The following SCRG1 variants were observed in gnomAD, a reference collection of about 807,000 sequenced individuals.
The protein encoded by SCRG1 is stimulator of chondrogenesis 1.
A neutral mutation model predicts 7.7 loss-of-function variants in SCRG1; 3 were observed. The ratio of observed to expected loss-of-function variants is 0.39; its 90% confidence interval spans 0.18 to 1.01. The LOEUF (loss-of-function observed/expected upper bound fraction) is 1.01, where lower values mean the gene tolerates loss of function less well. SCRG1 is among the 50% of genes least tolerant of loss of function. The pLI is 0.36. For missense variants in SCRG1, 110 were observed against 117.2 expected (o/e 0.94, Z 0.28); for synonymous variants, 46 against 41.2 (o/e 1.12, Z -0.44).
At chr4:173,477,710 CCTTCCTT>C in the SCRG1 span, among the ~76,000 whole-genome samples, 3 of 3,032 alleles carry the variant, frequency 9.9e-4, no homozygotes, top group Middle Eastern at 0.17. Context: ...TTTTTCCCTT[CCTTCCTT>C]CCTTCCTTCC....
chr4:173,448,502 C>T, the SCRG1 span, among the ~76,000 whole-genome samples: 4 of 152,292 alleles, frequency 2.6e-5, no homozygotes, highest in South Asian at 2.1e-4. Context: ...GAAAGAGAAC[C>T]GACAAGCCTG....
chr4:173,412,637 C>T, the SCRG1 span, among the ~76,000 whole-genome samples: 1 of 152,212 alleles, frequency 6.6e-6, no homozygotes, highest in East Asian at 1.9e-4. Flanking sequence ...AATCCTGAGT[C>T]TGTGGATGAT....
the SCRG1 span, among the ~76,000 whole-genome samples, chr4:173,427,137 A>G: frequency 1.1e-4 from 17 of 152,130 alleles, no homozygotes; most frequent in Non-Finnish European, 2.2e-4. Flanking sequence ...GAGGAAAATG[A>G]GACTTAGGAG....
the SCRG1 span, among the ~76,000 whole-genome samples, chr4:173,494,134 C>T: frequency 7.9e-5 from 12 of 152,214 alleles, no homozygotes; most frequent in Non-Finnish European, 1.5e-4. Context: ...ACAGGCCACC[C>T]ACACGACACA....
chr4:173,466,129 C>G, the SCRG1 span, among the ~76,000 whole-genome samples: 1 of 152,250 alleles, frequency 6.6e-6, no homozygotes, highest in Non-Finnish European at 1.5e-5. Context: ...GAAGAAAAAT[C>G]CTGTGCAACT....
the SCRG1 span, among the ~76,000 whole-genome samples, chr4:173,442,889 G>T: frequency 6.1e-4 from 93 of 152,132 alleles, no homozygotes; most frequent in African/African-American, 2.0e-3. Context: ...ACCTCTTAAG[G>T]GCCCCATCTC....
the SCRG1 span, among the ~76,000 whole-genome samples, chr4:173,485,051 T>A: frequency 1.5e-4 from 1 of 6,586 alleles, no homozygotes; most frequent in Non-Finnish European, 3.4e-4. Context: ...TATTATATAA[T>A]ATATTATATA....
At chr4:173,393,378 A>G (rs1341734121) in intron 1 of SCRG1, among the ~76,000 whole-genome samples, 3 of 152,100 alleles carry the variant, frequency 2.0e-5, no homozygotes, top group Non-Finnish European at 4.4e-5. Flanking sequence ...ACCTCCAAAC[A>G]TTAGTGAAAG....
At chr4:173,501,126 G>T in the SCRG1 span, among the ~76,000 whole-genome samples, 36 of 152,222 alleles carry the variant, frequency 2.4e-4, 1 homozygote, top group Non-Finnish European at 4.4e-5. This position sits in a 1 kb window ranked among gnomAD's most constrained non-coding sequence, Gnocchi z 5.1. Context: ...GAGGAGTGTT[G>T]GCCCTGGAGA....
At chr4:173,444,870 T>C in the SCRG1 span, among the ~76,000 whole-genome samples, 1 of 152,170 alleles carries the variant, frequency 6.6e-6, no homozygotes, top group African/African-American at 2.4e-5. Flanking sequence ...TGGAGCCCAC[T>C]CTGTCCTGGT....
the SCRG1 span, among the ~76,000 whole-genome samples, chr4:173,503,699 C>A: frequency 6.6e-6 from 1 of 152,226 alleles, no homozygotes; most frequent in African/African-American, 2.4e-5. The surrounding 1 kb of genome is among the most constrained non-coding windows in gnomAD (Gnocchi z 6.4). Context: ...AAAGTCAGTC[C>A]AGAAGCCAAG....
At chr4:173,405,167 C>T (rs1739868872) in intron 1 of SCRG1, among the ~76,000 whole-genome samples, 1 of 152,126 alleles carries the variant, frequency 6.6e-6, no homozygotes, top group Admixed American at 6.5e-5. Flanking sequence ...TCCGACTTTG[C>T]CTGTTTTTGA....
chr4:173,410,178 C>T (rs1740008840), upstream of SCRG1, among the ~76,000 whole-genome samples: 1 of 152,186 alleles, frequency 6.6e-6, no homozygotes. Flanking sequence ...GGTTCAACAC[C>T]AGAGCGTAGA....
the SCRG1 span, among the ~76,000 whole-genome samples, chr4:173,442,543 TG>T: frequency 6.6e-6 from 1 of 152,224 alleles, no homozygotes; most frequent in Non-Finnish European, 1.5e-5. Flanking sequence ...GTAGAGCAGA[TG>T]GGATAGGAAT....
At chr4:173,423,223 T>C in the SCRG1 span, among the ~76,000 whole-genome samples, 1 of 152,256 alleles carries the variant, frequency 6.6e-6, no homozygotes, top group African/African-American at 2.4e-5. Context: ...ATAGAGTTGA[T>C]TTATCACCAA....
chr4:173,484,105 T>A, the SCRG1 span, among the ~76,000 whole-genome samples: 1 of 84,940 alleles, frequency 1.2e-5, no homozygotes. Flanking sequence ...ATATATAATA[T>A]ATAATATATA....
At chr4:173,456,710 A>G in the SCRG1 span, among the ~76,000 whole-genome samples, 1 of 152,108 alleles carries the variant, frequency 6.6e-6, no homozygotes, top group African/African-American at 2.4e-5. Context: ...TACTGAGAAT[A>G]TGTACAAAAA....
At chr4:173,500,376 G>A in the SCRG1 span, among the ~76,000 whole-genome samples, 62 of 152,308 alleles carry the variant, frequency 4.1e-4, 1 homozygote, top group African/African-American at 1.3e-3. Context: ...CCTGTTCGCC[G>A]GGGAGTGGCC....
upstream of SCRG1, among the ~76,000 whole-genome samples, chr4:173,410,523 A>G (rs1275207847): frequency 6.6e-6 from 1 of 152,242 alleles, no homozygotes; most frequent in African/African-American, 2.4e-5. Flanking sequence ...CAAGACTACT[A>G]CCTTTGGACT....
Sources: allele counts gnomAD v4.1 joint callset (sites outside exome capture counted in the v4.1 genomes callset), GRCh38; gene constraint gnomAD v4.1.1; non-coding constraint Gnocchi (gnomAD v3.1); transcripts MANE v1.5; gene names NCBI Gene and HGNC (gene_info 2026-07-23, HGNC 2026-07-21).